Variants in ZNF107 observed in about 807,000 individuals in gnomAD.
The protein encoded by ZNF107 is C2H2 type zinc-finger protein.
A neutral mutation model predicts 12.3 loss-of-function variants in ZNF107; 19 were observed. That is an observed-to-expected ratio of 1.55 (90% confidence interval 1.08 to 2.27). ZNF107 has a LOEUF of 2.27. Ranked by LOEUF, ZNF107 falls within the 30% of genes most tolerant of loss-of-function variation. The probability of loss-of-function intolerance (pLI) is 0.00; values close to 1 mark genes in which losing one functional copy is unlikely to be tolerated. For missense variants in ZNF107, 958 were observed against 979.9 expected, an observed-to-expected ratio of 0.98 and a Z score of 0.30; for synonymous variants, 317 against 330.5, an observed-to-expected ratio of 0.96 and a Z score of 0.44.
chr7:64,710,029 G>A lies in ZNF107; in HGVS notation c.*1373G>A. The A allele has an allele frequency of 4.5e-6, 1 of 220,552 alleles. No homozygotes were observed. Among genetic ancestry groups the A allele is most frequent in the Non-Finnish European group, 9.0e-6 (1 of 111,052 alleles). 13.7% of individuals were successfully genotyped at this position (220,552 alleles called of 1,614,324 possible). A position where few individuals can be genotyped will look rare whatever the true frequency, so the allele number is the denominator to read the frequency against. ...TGTAATCCCAGCTAATTGGGAGGCT[G>A]AAGCAGGAGAATTGCTCAAACCTGG... On this transcript the variant is annotated 3_prime_UTR_variant, in exon 4 of 4. Coordinates refer to ENST00000620827, the MANE Select transcript of ZNF107 (RefSeq NM_001282359.2).
chr7:64,708,972 G>T lies in ZNF107; in HGVS notation c.*316G>T. 2.1e-6 allele frequency: 1 copy of T among 477,122 alleles called. No individual in the cohort carries two copies. Among genetic ancestry groups the T allele is most frequent in the Non-Finnish European group, 3.9e-6 (1 of 254,970 alleles). The allele number at this position is 477,122 out of a possible 1,614,324, so 29.6% of individuals were successfully genotyped here. ...TGGAGAAAAGCCATACAAATGAGAA[G>T]AATGTGGCAATGCCTTTAATCAGTC... On this transcript the variant is annotated 3_prime_UTR_variant, in exon 4 of 4. Transcript: ENST00000620827.
chr7:64,686,418 T>C, intron 1 of ZNF107: 1 of 639,398 alleles, frequency 1.6e-6, no homozygotes, highest in African/African-American at 2.0e-5. Flanking sequence ...CAAATGCTAC[T>C]CCTAACTGCC....
chr7:64,698,900 T>C (rs951228056), intron 3 of ZNF107, among the ~76,000 whole-genome samples: 1 of 152,212 alleles, frequency 6.6e-6, no homozygotes, highest in Non-Finnish European at 1.5e-5. Flanking sequence ...ATTTCATCAG[T>C]GTTGATATCC....
intron 3 of ZNF107, among the ~76,000 whole-genome samples, chr7:64,698,117 G>T (rs989428613): frequency 2.0e-5 from 3 of 152,074 alleles, no homozygotes; most frequent in Non-Finnish European, 1.5e-5. Context: ...TTGGTGTGAG[G>T]TGATTTTGTT....
chr7:64,691,654 A>G (rs1232761819), intron 2 of ZNF107, among the ~76,000 whole-genome samples: 2 of 152,144 alleles, frequency 1.3e-5, no homozygotes, highest in East Asian at 3.9e-4. Flanking sequence ...CCACGCCTTA[A>G]AATCTAATTT....
Position 64,708,725 on chromosome 7 carries a change from G to A in ZNF107, c.*69G>A. The A allele has an allele frequency of 6.9e-7, 1 of 1,458,310 alleles. No individual in the cohort carries two copies. The highest frequency in any genetic ancestry group is 9.2e-7 in the Non-Finnish European group (1 of 1,081,636). The allele number at this position is 1,458,310 out of a possible 1,614,324, so 90.3% of individuals were successfully genotyped here. ...GAGAAACTACAAATGTGAAGAATGT[G>A]TTAAAGCCTTTAACAAGTCTTCAAC... On this transcript the variant is annotated 3_prime_UTR_variant, in exon 4 of 4. Coordinates refer to ENST00000620827, the MANE Select transcript of ZNF107 (RefSeq NM_001282359.2).
At position 64,710,363 on chromosome 7, in the gene ZNF107, T is replaced by TA. The variant is rs1362333699; in HGVS notation, c.*1708dup. The TA allele has an allele frequency of 1.3e-5, 2 of 152,076 alleles. No homozygotes were observed. Among genetic ancestry groups the TA allele is most frequent in the African/African-American group, 4.8e-5 (2 of 41,418 alleles). 9.4% of individuals were successfully genotyped at this position (152,076 alleles called of 1,614,324 possible). A position where few individuals can be genotyped will look rare whatever the true frequency, so the allele number is the denominator to read the frequency against. On this transcript the variant is annotated 3_prime_UTR_variant, in exon 4 of 4. Coordinates refer to ENST00000620827, the MANE Select transcript of ZNF107 (RefSeq NM_001282359.2). ...TTTTAAAAAACTACAGCTTAGAAAA[T>TA]ACCAGAGGCCTCATACTAAAATATA...
chr7:64,697,952 T>G (rs1377005333), intron 3 of ZNF107, among the ~76,000 whole-genome samples: 1 of 152,116 alleles, frequency 6.6e-6, no homozygotes, highest in Non-Finnish European at 1.5e-5. Context: ...AGTGCTGGGA[T>G]TACAAGCGTG....
At chr7:64,676,586 T>C (rs1192399395) in intron 1 of ZNF107, among the ~76,000 whole-genome samples, 1 of 152,194 alleles carries the variant, frequency 6.6e-6, no homozygotes, top group Non-Finnish European at 1.5e-5. Context: ...CCAAACTCAT[T>C]AAGCCAAAGA....
At chr7:64,682,219 A>G (rs964566462) in intron 1 of ZNF107, among the ~76,000 whole-genome samples, 1 of 151,816 alleles carries the variant, frequency 6.6e-6, no homozygotes, top group East Asian at 1.9e-4. Context: ...CTAAAGCTCA[A>G]ATTTCTTCCC....
intron 3 of ZNF107, among the ~76,000 whole-genome samples, chr7:64,705,132 A>AT (rs1350081883): frequency 1.3e-5 from 2 of 152,182 alleles, no homozygotes; most frequent in African/African-American, 4.8e-5. Flanking sequence ...TGGCTATCTT[A>AT]TAAGCCTATT....
chr7:64,674,999 C>A (rs1789367536), intron 1 of ZNF107, among the ~76,000 whole-genome samples: 1 of 152,118 alleles, frequency 6.6e-6, no homozygotes, highest in African/African-American at 2.4e-5. Flanking sequence ...CTGCTGGATT[C>A]AATTTGCCAG....
chr7:64,702,913 T>G (rs957561193), intron 3 of ZNF107, among the ~76,000 whole-genome samples: 10 of 152,224 alleles, frequency 6.6e-5, no homozygotes, highest in Non-Finnish European at 1.5e-4. Flanking sequence ...GTAAAATAAT[T>G]TTGAATTAAG....
At chr7:64,693,165 A>ATTT (rs34734604) in intron 3 of ZNF107, among the ~76,000 whole-genome samples, 100 of 110,108 alleles carry the variant, frequency 9.1e-4, no homozygotes, top group South Asian at 1.3e-3. Context: ...CACTCAGCTA[A>ATTT]TTTTTTTTTT....
At chr7:64,701,201 T>C (rs750835199) in intron 3 of ZNF107, among the ~76,000 whole-genome samples, 7 of 152,216 alleles carry the variant, frequency 4.6e-5, no homozygotes, top group Non-Finnish European at 1.0e-4. Context: ...CCTCACCCAA[T>C]TGTGGTTACT....
intron 1 of ZNF107, among the ~76,000 whole-genome samples, chr7:64,677,541 C>T (rs1247813209): frequency 6.7e-6 from 1 of 149,798 alleles, no homozygotes; most frequent in African/African-American, 2.5e-5. Context: ...CAGTTGCATA[C>T]AGTGTGCAAA....
chr7:64,679,110 G>A (rs2128958346), intron 1 of ZNF107: 1 of 799,368 alleles, frequency 1.3e-6, no homozygotes. Flanking sequence ...TGTGTGAGCA[G>A]TGAGGCTATT....
At chr7:64,683,184 C>T (rs904496682) in intron 1 of ZNF107, among the ~76,000 whole-genome samples, 1 of 152,346 alleles carries the variant, frequency 6.6e-6, no homozygotes, top group Middle Eastern at 3.4e-3. Flanking sequence ...AATATTTATA[C>T]TGATTCCAGG....
In ZNF107 at chr7:64,708,146, A is replaced by G. The variant is rs1439110189; in HGVS notation, c.2049A>G (p.Gly683=). 1 of 1,611,250 alleles carries G rather than the reference A, an allele frequency of 6.2e-7. No individual in the cohort carries two copies. Among genetic ancestry groups the G allele is most frequent in the Non-Finnish European group, 8.5e-7 (1 of 1,179,200 alleles). The change falls in exon 4 of 4, where the codon GGA becomes GGG. Residue 683 remains glycine (G), a synonymous_variant. Coordinates refer to ENST00000620827, the MANE Select transcript of ZNF107 (RefSeq NM_001282359.2). Reference sequence around the variant, plus strand: ...AACCCCACAAATGTGAAGAATGTGGAAAAGCTTATAACCGATTCTCAAACC... The same window carrying G: ...AACCCCACAAATGTGAAGAATGTGGGAAAGCTTATAACCGATTCTCAAACC... ...GEKPHKCEEC[G]KAYNRFSNLT... is the part of the protein sequence containing the mutation.
Sources: allele counts gnomAD v4.1 joint callset (sites outside exome capture counted in the v4.1 genomes callset), GRCh38; gene constraint gnomAD v4.1.1; transcripts MANE v1.5; gene names NCBI Gene and HGNC (gene_info 2026-07-23, HGNC 2026-07-21).